The following MEGF8 variants were observed in gnomAD, a reference collection of about 807,000 sequenced individuals.
MEGF8 encodes the protein multiple EGF like domains 8, also known as multiple epidermal growth factor-like domains protein 8.
In MEGF8, 156 loss-of-function variants were observed where a neutral mutation model predicts 302.9. That is an observed-to-expected ratio of 0.52 (90% CI 0.45 to 0.59). MEGF8 has a LOEUF of 0.59. MEGF8 is among the 20% of genes least tolerant of loss of function. The probability of loss-of-function intolerance (pLI) is 0.00; values close to 1 mark genes in which losing one functional copy is unlikely to be tolerated. For missense variants in MEGF8, 3,345 were observed against 3,964.5 expected (o/e 0.84, Z 4.20); for synonymous variants, 1,621 against 1,660.5 (o/e 0.98, Z 0.58).
intron 8 of MEGF8, among the ~76,000 whole-genome samples, chr19:42,338,722 T>A (rs2039167579): frequency 6.6e-6 from 1 of 151,748 alleles, no homozygotes; most frequent in African/African-American, 2.4e-5. Context: ...TCTAGCTCCA[T>A]CCATGCTGAT....
In MEGF8 at chr19:42,353,044, C is replaced by T; in HGVS notation, c.3467C>T (p.Ala1156Val). 5 of 1,553,316 alleles carry T rather than the reference C, an allele frequency of 3.2e-6. No individual in the cohort carries two copies. Among genetic ancestry groups the T allele is most frequent in the South Asian group, 2.4e-5 (2 of 84,162 alleles). ...PPPTPAPGPPAPRCSRDCGCS... is the reference protein window; with the variant it reads ...PPPTPAPGPPVPRCSRDCGCS... ...CCCACACCCGCCCCGGGTCCGCCAG[C>T]CCCCCGCTGCTCCCGGGACTGTGGC... Residue 1156 changes from alanine (A) to valine (V), a missense_variant, in exon 20 of 42, where the codon GCC becomes GTC. Physicochemically the swap from Ala to Val is moderately conservative, Grantham distance 64. Coordinates refer to ENST00000251268, the MANE Select transcript of MEGF8 (RefSeq NM_001271938.2). This position sits in a 1 kb window ranked among gnomAD's most constrained non-coding sequence, Gnocchi z 6.1.
Position 42,334,139 on chromosome 19 carries a change from C to T in MEGF8, c.484C>T (p.Pro162Ser). Residue 162 changes from proline to serine, a missense_variant, in exon 3 of 42, where the codon CCG becomes TCG. By Grantham distance (74) the Pro-to-Ser change is moderately conservative. Coordinates refer to ENST00000251268, the MANE Select transcript of MEGF8 (RefSeq NM_001271938.2). ...GCCACCGGGTGTGTGTGCCTGCGAGCCGGGCTGGGGGGGTCCTGACTGTGG... is the reference window on the plus strand; with the variant it reads ...GCCACCGGGTGTGTGTGCCTGCGAGTCGGGCTGGGGGGGTCCTGACTGTGG... ...CQPPGVCACE[P>S]GWGGPDCGLQ... is the part of the protein sequence containing the mutation. The T allele has an allele frequency of 2.5e-6, 4 of 1,611,914 alleles. No individual in the cohort carries two copies. Among genetic ancestry groups the T allele is most frequent in the Non-Finnish European group, 3.4e-6 (4 of 1,179,740 alleles).
Position 42,351,012 on chromosome 19 carries a change from G to C in MEGF8, c.2737-204G>C. On this transcript the variant is annotated intron_variant, in intron 15 of 41. Transcript: ENST00000251268. This position sits in a 1 kb window ranked among gnomAD's most constrained non-coding sequence, Gnocchi z 5.6. ...CGGACCACACAGAAGGGGTGCTATTGCCTAAAGGAGACAGTGGGTGCTGGG... is the reference window on the plus strand; with the variant it reads ...CGGACCACACAGAAGGGGTGCTATTCCCTAAAGGAGACAGTGGGTGCTGGG... The C allele has an allele frequency of 1.7e-6, 1 of 599,720 alleles. No homozygotes were observed. The highest frequency in any genetic ancestry group is 3.0e-6 in the Non-Finnish European group (1 of 334,848). 37.1% of individuals were successfully genotyped at this position (599,720 alleles called of 1,614,324 possible). A position where few individuals can be genotyped will look rare whatever the true frequency, so the allele number is the denominator to read the frequency against.
intron 8 of MEGF8, among the ~76,000 whole-genome samples, chr19:42,338,448 G>A (rs1433603697): frequency 1.3e-5 from 2 of 152,136 alleles, no homozygotes; most frequent in African/African-American, 4.8e-5. Context: ...TGCCATGTTG[G>A]CAAGGCTGGT....
Position 42,344,152 on chromosome 19 carries a change from C to T in MEGF8, c.1788+79C>T. 6.6e-7 allele frequency: 1 copy of T among 1,510,958 alleles called. No individual in the cohort carries two copies. Among genetic ancestry groups the T allele is most frequent in the South Asian group, 1.2e-5 (1 of 81,322 alleles). The allele number at this position is 1,510,958 out of a possible 1,614,324, so 93.6% of individuals were successfully genotyped here. On this transcript the variant is annotated intron_variant, in intron 10 of 41. Coordinates refer to ENST00000251268, the MANE Select transcript of MEGF8 (RefSeq NM_001271938.2). This position sits in a 1 kb window ranked among gnomAD's most constrained non-coding sequence, Gnocchi z 4.5. ...GTCTCCCTCTGCCTAACCAGATGGA[C>T]AAGAACTTTCCCTCAACTGGGAGAC...
chr19:42,348,374 C>T lies in MEGF8; in HGVS notation c.2200C>T (p.Pro734Ser), dbSNP rs2039320147. ...GFIYPMLPGGPGGPGAEDVAV... is the reference protein window; with the variant it reads ...GFIYPMLPGGSGGPGAEDVAV... Reference sequence around the variant, plus strand: ...CATCTACCCAATGCTGCCTGGAGGGCCAGGTGGACCAGGGGCTGAGGACGT... The same window carrying T: ...CATCTACCCAATGCTGCCTGGAGGGTCAGGTGGACCAGGGGCTGAGGACGT... Residue 734 changes from proline to serine, a missense_variant, in exon 13 of 42, where the codon CCA (proline) becomes TCA (serine). Physicochemically the swap from Pro to Ser is moderately conservative, Grantham distance 74. Transcript: ENST00000251268. 6.5e-7 allele frequency: 1 copy of T among 1,537,354 alleles called. No homozygotes were observed. Among genetic ancestry groups the T allele is most frequent in the Non-Finnish European group, 8.7e-7 (1 of 1,146,914 alleles).
At chr19:42,361,639 G>A (rs753757904) in intron 32 of MEGF8, among the ~76,000 whole-genome samples, 1 of 152,156 alleles carries the variant, frequency 6.6e-6, no homozygotes, top group Non-Finnish European at 1.5e-5. Flanking sequence ...TGTACCTCTT[G>A]GGATTTGGGG....
chr19:42,363,198 G>A lies in MEGF8; in HGVS notation c.6209G>A (p.Cys2070Tyr). Residue 2070 changes from cysteine to tyrosine, a missense_variant, in exon 35 of 42, where the codon TGC (cysteine) becomes TAC (tyrosine). Physicochemically the swap from Cys to Tyr is radical, Grantham distance 194. Coordinates refer to ENST00000251268, the MANE Select transcript of MEGF8 (RefSeq NM_001271938.2). ...PCHLLPNCTS[C>Y]LDSKGADGGW... ...CACCTCCTACCCAACTGTACCTCCT[G>A]CCTGGACTCTAAGGGAGCAGATGGG... is the stretch of plus-strand genomic sequence containing the variant. 1 of 1,611,848 alleles carries A rather than the reference G, an allele frequency of 6.2e-7. No homozygotes were observed. Among genetic ancestry groups the A allele is most frequent in the Non-Finnish European group, 8.5e-7 (1 of 1,179,056 alleles).
Position 42,377,943 on chromosome 19 carries a change from G to A in MEGF8, c.*1168G>A, listed in dbSNP as rs77151871. ...ATGTGTATGGAAGAATATAAATGAT[G>A]GTGTGGATGTCAGGGTGAGGGAGGA... On this transcript the variant is annotated 3_prime_UTR_variant, in exon 42 of 42. Transcript: ENST00000251268. 8,869 of 152,290 alleles carry A rather than the reference G, an allele frequency of 0.058. 358 individuals carry two copies. The highest frequency in any genetic ancestry group is 0.18 in the Middle Eastern group (52 of 294). The allele number at this position is 152,290 out of a possible 1,614,324, so 9.4% of individuals were successfully genotyped here.
At position 42,375,836 on chromosome 19, in the gene MEGF8, A is replaced by T; in HGVS notation, c.7599A>T (p.Pro2533=). 1 of 1,608,468 alleles carries T rather than the reference A, an allele frequency of 6.2e-7. No individual in the cohort carries two copies. Among genetic ancestry groups the T allele is most frequent in the Non-Finnish European group, 8.5e-7 (1 of 1,178,472 alleles). ...ACATCCAGCCACCCCCAGCCCCACC[A>T]CCTCCACCACCCCCTGCAGATGGTG... ...TVHIQPPPAP[P]PPPPPADGGP... The change falls in exon 42 of 42, where the codon CCA becomes CCT. Residue 2533 remains proline (P), a synonymous_variant. Transcript: ENST00000251268. This position sits in a 1 kb window ranked among gnomAD's most constrained non-coding sequence, Gnocchi z 7.1.
At chr19:42,341,291 T>A (rs1011829649) in intron 8 of MEGF8, among the ~76,000 whole-genome samples, 2 of 151,892 alleles carry the variant, frequency 1.3e-5, no homozygotes, top group African/African-American at 4.8e-5. Context: ...TTAGCTGGCG[T>A]GGTGGTAGAT....
Position 42,334,172 on chromosome 19 carries a change from G to C in MEGF8, c.517G>C (p.Glu173Gln). The C allele has an allele frequency of 6.2e-7, 1 of 1,610,540 alleles. No individual in the cohort carries two copies. The highest frequency in any genetic ancestry group is 8.5e-7 in the Non-Finnish European group (1 of 1,179,212). The change falls in exon 3 of 42, where the codon GAG (glutamate) becomes CAG (glutamine). Residue 173 changes from glutamate to glutamine, a missense_variant. Physicochemically the swap from Glu to Gln is conservative, Grantham distance 29. Coordinates refer to ENST00000251268, the MANE Select transcript of MEGF8 (RefSeq NM_001271938.2). ...GGGGGGTCCTGACTGTGGCCTGCAG[G>C]AGTGCTCAGCCTACTGTGGCAGCCA... is the stretch of plus-strand genomic sequence containing the variant. ...GWGGPDCGLQECSAYCGSHGT... is the reference protein window; with the variant it reads ...GWGGPDCGLQQCSAYCGSHGT...
chr19:42,334,152 G>C lies in MEGF8; in HGVS notation c.497G>C (p.Gly166Ala), dbSNP rs79719576. Reference sequence around the variant, plus strand: ...TGTGCCTGCGAGCCGGGCTGGGGGGGTCCTGACTGTGGCCTGCAGGAGTGC... The same window carrying C: ...TGTGCCTGCGAGCCGGGCTGGGGGGCTCCTGACTGTGGCCTGCAGGAGTGC... ...GVCACEPGWG[G>A]PDCGLQECSA... Residue 166 changes from glycine to alanine, a missense_variant, in exon 3 of 42, where the codon GGT becomes GCT. By Grantham distance (60) the Gly-to-Ala change is moderately conservative. Coordinates refer to ENST00000251268, the MANE Select transcript of MEGF8 (RefSeq NM_001271938.2). 1 of 1,611,406 alleles carries C rather than the reference G, an allele frequency of 6.2e-7. No homozygotes were observed. Among genetic ancestry groups the C allele is most frequent in the Admixed American group, 1.7e-5 (1 of 59,974 alleles).
Position 42,351,317 on chromosome 19 carries a change from T to A in MEGF8, c.2838T>A (p.Cys946Ter). Residue 946 changes from cysteine to a stop codon, truncating the protein, a stop_gained, in exon 16 of 42, where the codon TGT becomes TGA. Coordinates refer to ENST00000251268, the MANE Select transcript of MEGF8 (RefSeq NM_001271938.2). LOFTEE classifies it high-confidence loss of function. The surrounding 1 kb of genome is among the most constrained non-coding windows in gnomAD (Gnocchi z 5.6). ...GTGCCCTGAAGAGTCCAGAGGAGTG[T>A]CCCCCGCTCTGCAGCCAGTGAGTCA... ...GRGALKSPEE[C>*]PPLCSQRLTC... The A allele has an allele frequency of 6.4e-7, 1 of 1,567,354 alleles. No individual in the cohort carries two copies.
chr19:42,362,733 G>A (rs1346696054), intron 34 of MEGF8, 136 bp downstream of exon 34: 1 of 1,058,190 alleles, frequency 9.5e-7, no homozygotes, highest in African/African-American at 1.6e-5. Context: ...GGGTCTGAGG[G>A]AGAAGGGGCT....
At position 42,344,768 on chromosome 19, in the gene MEGF8, A is replaced by G. The variant is rs2039265586; in HGVS notation, c.2032A>G (p.Ser678Gly). The change falls in exon 12 of 42, where the codon AGC becomes GGC. Residue 678 changes from serine (S) to glycine (G), a missense_variant. Physicochemically the swap from Ser to Gly is moderately conservative, Grantham distance 56. Coordinates refer to ENST00000251268, the MANE Select transcript of MEGF8 (RefSeq NM_001271938.2). The surrounding 1 kb of genome is among the most constrained non-coding windows in gnomAD (Gnocchi z 4.5). Reference sequence around the variant, plus strand: ...GTCCCTGGAGGCCTGCGTCACCCAGAGCTTCCTGCCTGGCCTGCACTTGCT... The same window carrying G: ...GTCCCTGGAGGCCTGCGTCACCCAGGGCTTCCTGCCTGGCCTGCACTTGCT... Reference protein sequence around the residue: ...VTSLEACVTQSFLPGLHLLTF... With the variant: ...VTSLEACVTQGFLPGLHLLTF... 1 of 1,611,422 alleles carries G rather than the reference A, an allele frequency of 6.2e-7. No individual in the cohort carries two copies. The highest frequency in any genetic ancestry group is 8.5e-7 in the Non-Finnish European group (1 of 1,178,526).
At position 42,335,140 on chromosome 19, in the gene MEGF8, G is replaced by A. The variant is rs747359795; in HGVS notation, c.664G>A (p.Asp222Asn). Residue 222 changes from aspartate (D) to asparagine (N), a missense_variant, in exon 4 of 42, where the codon GAC (aspartate) becomes AAC (asparagine). By Grantham distance (23) the Asp-to-Asn change is conservative. Transcript: ENST00000251268. ...AGWWHNVSAR[D>N]PAFSARIGAA... ...GTGGTGGCACAACGTGAGTGCCAGG[G>A]ACCCTGCCTTCTCTGCCCGTATTGG... is the stretch of plus-strand genomic sequence containing the variant. The A allele has an allele frequency of 2.5e-5, 41 of 1,613,842 alleles. No individual in the cohort carries two copies. The highest frequency in any genetic ancestry group is 3.4e-5 in the Non-Finnish European group (40 of 1,179,878).
At chr19:42,365,028 A>G (rs1335201264) in intron 35 of MEGF8, among the ~76,000 whole-genome samples, 1 of 152,166 alleles carries the variant, frequency 6.6e-6, no homozygotes, top group East Asian at 1.9e-4. Context: ...GGGACACACC[A>G]AGAGGGTGGC....
rs992148309 is a variant in MEGF8, at chr19:42,358,210, G to A, written c.5078G>A (p.Arg1693Gln). 3.7e-6 allele frequency: 6 copies of A among 1,603,848 alleles called. No individual in the cohort carries two copies. Among genetic ancestry groups the A allele is most frequent in the Non-Finnish European group, 2.6e-6 (3 of 1,175,658 alleles). Residue 1693 changes from arginine to glutamine, a missense_variant, in exon 29 of 42, where the codon CGA (arginine) becomes CAA (glutamine). By Grantham distance (43) the Arg-to-Gln change is conservative (BLOSUM62 1). Transcript: ENST00000251268. The surrounding 1 kb of genome is among the most constrained non-coding windows in gnomAD (Gnocchi z 4.4). ...TDSLYVFGGF[R>Q]FHVELAAPSP... ...TCCCTCTACGTGTTTGGGGGGTTCC[G>A]ATTCCATGTGGAGCTGGCGGCCCCA... is the stretch of plus-strand genomic sequence containing the variant.
Sources: allele counts gnomAD v4.1 joint callset (sites outside exome capture counted in the v4.1 genomes callset), GRCh38; gene constraint gnomAD v4.1.1; non-coding constraint Gnocchi (gnomAD v3.1); transcripts MANE v1.5; gene names NCBI Gene and HGNC (gene_info 2026-07-23, HGNC 2026-07-21).